Variants in SRGAP3 observed in about 807,000 individuals in gnomAD.
SRGAP3 encodes SLIT-ROBO Rho GTPase activating protein 3.
Under a neutral mutation model 121.1 loss-of-function variants are expected in SRGAP3, and 39 were observed. That is an observed-to-expected ratio of 0.32 (90% CI 0.25 to 0.42). The LOEUF (loss-of-function observed/expected upper bound fraction) is 0.42. Ranked by LOEUF, SRGAP3 falls within the 10% of genes least tolerant of loss-of-function variation. The pLI, the probability that SRGAP3 is intolerant of heterozygous loss-of-function variation, is 1.00. For missense variants in SRGAP3, 1,213 were observed against 1,470.6 expected, an observed-to-expected ratio of 0.82 and a Z score of 2.86; for synonymous variants, 601 against 570.0, an observed-to-expected ratio of 1.05 and a Z score of -0.77.
chr3:9,351,845 A>G (rs1031690170), intron 1 of SRGAP3, among the ~76,000 whole-genome samples: 14 of 152,192 alleles, frequency 9.2e-5, no homozygotes, highest in Admixed American at 3.3e-4. Context: ...TCTGTGGCTC[A>G]AAAGTAAAAA....
rs555895542 is a variant in SRGAP3, at chr3:9,109,405, A to G, written c.261-4563T>C. Among the ~76,000 whole-genome samples, 37 of 152,328 alleles carry G rather than the reference A, an allele frequency of 2.4e-4. No homozygotes were observed. Among genetic ancestry groups the G allele is most frequent in the African/African-American group, 8.9e-4 (37 of 41,574 alleles). The stretch of plus-strand genomic sequence containing the variant: ...TGCAAGCCAGGAGGCAGTGCGGTAT[A>G]AGACAGAATTGCAGGAGGCAGAGCG... On this transcript the variant is annotated intron_variant, in intron 2 of 21. Transcript: ENST00000383836. This position sits in a 1 kb window ranked among gnomAD's most constrained non-coding sequence, Gnocchi z 4.4.
chr3:9,359,342 T>C (rs1213746198), intron 1 of SRGAP3, among the ~76,000 whole-genome samples: 3 of 152,184 alleles, frequency 2.0e-5, no homozygotes, highest in Non-Finnish European at 2.9e-5. Context: ...TCCAACTTGA[T>C]ACCTAAGAGT....
intron 1 of SRGAP3, among the ~76,000 whole-genome samples, chr3:9,130,152 T>C (rs1949391998): frequency 6.6e-6 from 1 of 152,008 alleles, no homozygotes; most frequent in Admixed American, 6.6e-5. Context: ...AACAAACATA[T>C]GGCACACACA....
rs1377999573 is a variant in SRGAP3 at position 8,984,068 on chromosome 3, C to T, written c.*1451G>A. The T allele has an allele frequency of 1.3e-5, 3 of 231,594 alleles. No homozygotes were observed. The highest frequency in any genetic ancestry group is 2.6e-5 in the Non-Finnish European group (3 of 117,128). The allele number at this position is 231,594 out of a possible 1,614,324, so 14.3% of individuals were successfully genotyped here. A position where few individuals can be genotyped will look rare whatever the true frequency, so the allele number is the denominator to read the frequency against. On this transcript the variant is annotated 3_prime_UTR_variant, in exon 22 of 22. Transcript: ENST00000383836. ...GAGGTAAAATGGAATCGAAGGAGAG[C>T]GACCCGGAAGGGCTTTACTTGGCCA...
At chr3:9,071,434 GGCCAATTAGAT>G (rs1575023835) in intron 4 of SRGAP3, among the ~76,000 whole-genome samples, 1 of 152,136 alleles carries the variant, frequency 6.6e-6, no homozygotes, top group East Asian at 1.9e-4. Context: ...AGCTCAGCTA[GGCCAATTAGAT>G]GCTACCCTAG....
chr3:9,177,671 G>A (rs1951227551), intron 1 of SRGAP3, among the ~76,000 whole-genome samples: 1 of 152,206 alleles, frequency 6.6e-6, no homozygotes, highest in East Asian at 1.9e-4. Context: ...GACAGCATCT[G>A]TGGTTTTTGT....
intron 1 of SRGAP3, among the ~76,000 whole-genome samples, chr3:9,342,303 A>G (rs1018709355): frequency 1.3e-5 from 2 of 151,628 alleles, no homozygotes; most frequent in Admixed American, 1.3e-4. Context: ...GTGAGCTGAG[A>G]TTGCGCCACT....
chr3:9,233,347 A>T (rs755388261), intron 1 of SRGAP3, among the ~76,000 whole-genome samples: 11 of 152,112 alleles, frequency 7.2e-5, no homozygotes, highest in African/African-American at 1.2e-4. Context: ...GTTACATTCC[A>T]CTTTCTTGTC....
intron 19 of SRGAP3, 48 bp downstream of exon 19, chr3:8,994,295 T>C: frequency 1.2e-6 from 2 of 1,610,596 alleles, no homozygotes; most frequent in Non-Finnish European, 1.7e-6. Context: ...ATCCCAGACA[T>C]CACTAATCTA....
At chr3:9,076,579 CCTT>C (rs2125252607) in intron 4 of SRGAP3, among the ~76,000 whole-genome samples, 1 of 152,098 alleles carries the variant, frequency 6.6e-6, no homozygotes, top group African/African-American at 2.4e-5. Flanking sequence ...GTTGAGAACT[CCTT>C]CTCTCTTCCT....
chr3:9,270,235 A>C lies in SRGAP3; in HGVS notation n.442+55775T>G, dbSNP rs1431691294. ...TGTATTGTGTAATATTGATAATAAAAGTATACATATTTTATAATTAGAAAA... is the reference window on the plus strand; with the variant it reads ...TGTATTGTGTAATATTGATAATAAACGTATACATATTTTATAATTAGAAAA... On this transcript the variant is annotated intron_variant and non_coding_transcript_variant, in intron 3 of 3. Coordinates refer to the SRGAP3 transcript ENST00000490889. Among the ~76,000 whole-genome samples, 3 of 152,252 alleles carry C rather than the reference A, an allele frequency of 2.0e-5. No individual in the cohort carries two copies. The East Asian group carries it at 5.8e-4, about 29-fold the overall frequency.
At chr3:9,052,081 T>C (rs1945606303) in intron 9 of SRGAP3, among the ~76,000 whole-genome samples, 1 of 152,204 alleles carries the variant, frequency 6.6e-6, no homozygotes, top group African/African-American at 2.4e-5. Context: ...CATCAGCACA[T>C]GGAACATGTT....
At chr3:9,171,982 T>C (rs1422903891) in intron 1 of SRGAP3, among the ~76,000 whole-genome samples, 2 of 152,260 alleles carry the variant, frequency 1.3e-5, no homozygotes, top group East Asian at 3.9e-4. Flanking sequence ...GCCGTATCTC[T>C]GGATTCATGC....
At chr3:9,076,237 G>A (rs1946970211) in intron 4 of SRGAP3, among the ~76,000 whole-genome samples, 1 of 152,162 alleles carries the variant, frequency 6.6e-6, no homozygotes. Context: ...GTTGTTCTAA[G>A]TCACAGAGTT....
At chr3:9,336,110 A>G (rs1314826655) in intron 1 of SRGAP3, among the ~76,000 whole-genome samples, 1 of 152,128 alleles carries the variant, frequency 6.6e-6, no homozygotes, top group Non-Finnish European at 1.5e-5. Context: ...AACTTCAAAT[A>G]TACCAGTATT....
chr3:8,983,848 T>C lies in SRGAP3; in HGVS notation c.*1671A>G. 4.3e-6 allele frequency: 1 copy of C among 230,162 alleles called. No individual in the cohort carries two copies. The highest frequency in any genetic ancestry group is 8.6e-6 in the Non-Finnish European group (1 of 116,162). The allele number at this position is 230,162 out of a possible 1,614,324, so 14.3% of individuals were successfully genotyped here. On this transcript the variant is annotated 3_prime_UTR_variant, in exon 22 of 22. Coordinates refer to ENST00000383836, the MANE Select transcript of SRGAP3 (RefSeq NM_014850.4). ...CCTAAGTCAGAAGGCTCCTAAGTGC[T>C]CAGGGCTGGGACTCAGACTCTGGGC...
intron 1 of SRGAP3, among the ~76,000 whole-genome samples, chr3:9,347,296 G>A (rs1215901025): frequency 6.6e-6 from 1 of 152,164 alleles, no homozygotes; most frequent in African/African-American, 2.4e-5. Flanking sequence ...AAGTTGCTGG[G>A]ACCACAGGCA....
At chr3:9,236,472 A>G (rs1230707017) in intron 1 of SRGAP3, among the ~76,000 whole-genome samples, 1 of 152,138 alleles carries the variant, frequency 6.6e-6, no homozygotes, top group South Asian at 2.1e-4. Context: ...TGATTGGATC[A>G]GGGGGATGGA....
rs925840515 is a variant in SRGAP3, at chr3:9,010,703, C to T, written c.2148-316G>A. 4.6e-5 allele frequency among the ~76,000 whole-genome samples: 7 copies of T among 152,162 alleles called. No individual in the cohort carries two copies. The South Asian group carries it at 1.5e-3, about 32-fold the overall frequency. ...AGATCCAGAGGGCAGTGGTAAAACC[C>T]CAGCATTTATAATCAGAAGGACCAC... On this transcript the variant is annotated intron_variant, in intron 17 of 21. Coordinates refer to ENST00000383836, the MANE Select transcript of SRGAP3 (RefSeq NM_014850.4).
Sources: allele counts gnomAD v4.1 joint callset (sites outside exome capture counted in the v4.1 genomes callset), GRCh38; gene constraint gnomAD v4.1.1; non-coding constraint Gnocchi (gnomAD v3.1); transcripts MANE v1.5; gene names NCBI Gene and HGNC (gene_info 2026-07-23, HGNC 2026-07-21).